Variants in VAPB observed in about 807,000 individuals in gnomAD.
VAPB encodes vesicle-associated membrane protein-associated protein B/C.
In VAPB, 7 loss-of-function variants were observed where a neutral mutation model predicts 25.6. The ratio of observed to expected loss-of-function variants is 0.27; its 90% CI spans 0.16 to 0.51. The LOEUF (loss-of-function observed/expected upper bound fraction) is 0.51. Ranked by LOEUF, VAPB falls within the 20% of genes least tolerant of loss-of-function variation. The pLI, the probability that VAPB is intolerant of heterozygous loss-of-function variation, is 0.97. For missense variants in VAPB, 266 were observed against 301.3 expected, an observed-to-expected ratio of 0.88 and a Z score of 0.87; for synonymous variants, 112 against 109.2, an observed-to-expected ratio of 1.03 and a Z score of -0.16.
chr20:58,409,297 G>A (rs764543074), intron 1 of VAPB, among the ~76,000 whole-genome samples: 1 of 152,152 alleles, frequency 6.6e-6, no homozygotes, highest in Admixed American at 6.5e-5. Context: ...GGTATAGAAC[G>A]CAGAAAGCAA....
chr20:58,446,486 A>G lies in VAPB; in HGVS notation c.*2251A>G, dbSNP rs1989296130. ...TGTGTTTTGATAAAACTTTATTCACAAAAACAGCCGGGTCATGGGATTTGG... is the reference window on the plus strand; with the variant it reads ...TGTGTTTTGATAAAACTTTATTCACGAAAACAGCCGGGTCATGGGATTTGG... On this transcript the variant is annotated 3_prime_UTR_variant, in exon 6 of 6. Coordinates refer to ENST00000475243, the MANE Select transcript of VAPB (RefSeq NM_004738.5). 1 of 453,970 alleles carries G rather than the reference A, an allele frequency of 2.2e-6. No individual in the cohort carries two copies. The allele number at this position is 453,970 out of a possible 1,614,324, so 28.1% of individuals were successfully genotyped here.
intron 1 of VAPB, among the ~76,000 whole-genome samples, chr20:58,413,400 A>ACCG (rs1319773837): frequency 6.6e-6 from 1 of 151,896 alleles, no homozygotes; most frequent in African/African-American, 2.4e-5. Context: ...CACATCTTGC[A>ACCG]CCGCCCTTAA....
chr20:58,439,440 C>G, intron 4 of VAPB: 1 of 242,366 alleles, frequency 4.1e-6, no homozygotes, highest in Non-Finnish European at 8.2e-6. Flanking sequence ...GCCTCCCTAC[C>G]CCTTTTACCC....
At position 58,447,728 on chromosome 20, in the gene VAPB, G is replaced by A. The variant is rs764048379; in HGVS notation, c.*3493G>A. Reference sequence around the variant, plus strand: ...TCAGTAGCTTGACAGTTTTCAAATCGTGCCTATATTTTTTTGCATACACAA... The same window carrying A: ...TCAGTAGCTTGACAGTTTTCAAATCATGCCTATATTTTTTTGCATACACAA... On this transcript the variant is annotated 3_prime_UTR_variant, in exon 6 of 6. Transcript: ENST00000475243. 24 of 453,646 alleles carry A rather than the reference G, an allele frequency of 5.3e-5. No individual in the cohort carries two copies. In the East Asian group the frequency reaches 1.1e-3, roughly 21 times the overall value. The allele number at this position is 453,646 out of a possible 1,614,324, so 28.1% of individuals were successfully genotyped here.
chr20:58,399,392 A>T (rs1242050128), intron 1 of VAPB, among the ~76,000 whole-genome samples: 8 of 152,066 alleles, frequency 5.3e-5, no homozygotes, highest in Non-Finnish European at 1.2e-4. Flanking sequence ...CATAAAGTGC[A>T]GTTGCTCTGG....
At chr20:58,412,972 C>G (rs922218948) in intron 1 of VAPB, among the ~76,000 whole-genome samples, 3 of 152,108 alleles carry the variant, frequency 2.0e-5, no homozygotes, top group African/African-American at 7.2e-5. Flanking sequence ...TTTTCAACAC[C>G]TGGAACCTGA....
chr20:58,450,843 G>C lies in VAPB; in HGVS notation c.*6608G>C. On this transcript the variant is annotated 3_prime_UTR_variant, in exon 6 of 6. Transcript: ENST00000475243. ...TGACATGGAAGTAATTTAAAAAGTT[G>C]GTGCAGGAAAGGACTCTTTACTGTT... The C allele has an allele frequency of 2.2e-6, 1 of 454,018 alleles. No individual in the cohort carries two copies. The allele number at this position is 454,018 out of a possible 1,614,324, so 28.1% of individuals were successfully genotyped here. A position where few individuals can be genotyped will look rare whatever the true frequency, so the allele number is the denominator to read the frequency against.
chr20:58,443,958 G>T (rs752125390), intron 5 of VAPB, 119 bp from the exon 6 acceptor site: 14 of 1,469,342 alleles, frequency 9.5e-6, no homozygotes, highest in Non-Finnish European at 1.3e-5. Context: ...GCAAAATGCG[G>T]TTGGACCATA....
chr20:58,450,354 G>C lies in VAPB; in HGVS notation c.*6119G>C, dbSNP rs1412535378. The C allele has an allele frequency of 2.5e-6, 1 of 402,464 alleles. No individual in the cohort carries two copies. The allele number at this position is 402,464 out of a possible 1,614,324, so 24.9% of individuals were successfully genotyped here. On this transcript the variant is annotated 3_prime_UTR_variant, in exon 6 of 6. Transcript: ENST00000475243. Reference sequence around the variant, plus strand: ...AGCAAACGTTTCGTAAGTACCCTCTGTCTGTTTGCTACTATATGAGGTGCT... The same window carrying C: ...AGCAAACGTTTCGTAAGTACCCTCTCTCTGTTTGCTACTATATGAGGTGCT...
In VAPB at chr20:58,445,673, A is replaced by G. The variant is rs1331546219; in HGVS notation, c.*1438A>G. 2.2e-6 allele frequency: 1 copy of G among 450,938 alleles called. No individual in the cohort carries two copies. Among genetic ancestry groups the G allele is most frequent in the South Asian group, 1.6e-5 (1 of 64,328 alleles). The allele number at this position is 450,938 out of a possible 1,614,324, so 27.9% of individuals were successfully genotyped here. ...CCTATCACTGAGAAATACGTGTTTC[A>G]TGATTTAACTCTGTGTGTGTGTGTG... On this transcript the variant is annotated 3_prime_UTR_variant, in exon 6 of 6. Transcript: ENST00000475243.
rs1989377901 is a variant in VAPB, at chr20:58,449,331, A to AT, written c.*5100dup. 1 of 449,940 alleles carries AT rather than the reference A, an allele frequency of 2.2e-6. No individual in the cohort carries two copies. Among genetic ancestry groups the AT allele is most frequent in the Admixed American group, 2.4e-5 (1 of 41,606 alleles). The allele number at this position is 449,940 out of a possible 1,614,324, so 27.9% of individuals were successfully genotyped here. A position where few individuals can be genotyped will look rare whatever the true frequency, so the allele number is the denominator to read the frequency against. ...GGCTTTTTATTTTCATTACAGAGAT[A>AT]TTTTGAAAAATTTAAAAGACATGAA... On this transcript the variant is annotated 3_prime_UTR_variant, in exon 6 of 6. Transcript: ENST00000475243.
In VAPB at chr20:58,449,279, G is replaced by A; in HGVS notation, c.*5044G>A. On this transcript the variant is annotated 3_prime_UTR_variant, in exon 6 of 6. Coordinates refer to ENST00000475243, the MANE Select transcript of VAPB (RefSeq NM_004738.5). ...GACCTCCCTCCATGCCATGTTTTTG[G>A]CTGTATCTACGGCACTTAACAATAG... is the stretch of plus-strand genomic sequence containing the variant. 2.2e-6 allele frequency: 1 copy of A among 453,868 alleles called. No individual in the cohort carries two copies. Among genetic ancestry groups the A allele is most frequent in the Non-Finnish European group, 4.4e-6 (1 of 226,718 alleles). 28.1% of individuals were successfully genotyped at this position (453,868 alleles called of 1,614,324 possible).
intron 5 of VAPB, among the ~76,000 whole-genome samples, chr20:58,442,570 A>C (rs890314926): frequency 3.3e-5 from 5 of 152,220 alleles, no homozygotes; most frequent in African/African-American, 1.2e-4. Context: ...TCTCAACATT[A>C]GAAGATTCTT....
At chr20:58,424,988 G>A (rs1988756265) in intron 2 of VAPB, among the ~76,000 whole-genome samples, 1 of 152,222 alleles carries the variant, frequency 6.6e-6, no homozygotes, top group Admixed American at 6.5e-5. Flanking sequence ...ACGTGTTCTG[G>A]ACCCTAAAGG....
In VAPB at chr20:58,439,014, A is replaced by T; in HGVS notation, c.385A>T (p.Asn129Tyr). The change falls in exon 4 of 6, where the codon AAT becomes TAT. Residue 129 changes from asparagine (N) to tyrosine (Y), a missense_variant. Around this residue, in one of 3 missense-constraint regions of VAPB, gnomAD observed 98 missense variants for 147.1 expected, o/e 0.67. Transcript: ENST00000475243. ...ATGTGTGTTTGAATTGCCAGCAGAG[A>T]ATGATAAACCAGTAAGTATATTTAT... ...LRCVFELPAE[N>Y]DKPHDVEINK... The T allele has an allele frequency of 1.2e-6, 2 of 1,613,600 alleles. No individual in the cohort carries two copies. Among genetic ancestry groups the T allele is most frequent in the Non-Finnish European group, 1.7e-6 (2 of 1,179,704 alleles).
chr20:58,446,841 C>T lies in VAPB; in HGVS notation c.*2606C>T. 1 of 454,070 alleles carries T rather than the reference C, an allele frequency of 2.2e-6. No homozygotes were observed. Among genetic ancestry groups the T allele is most frequent in the Non-Finnish European group, 4.4e-6 (1 of 226,772 alleles). 28.1% of individuals were successfully genotyped at this position (454,070 alleles called of 1,614,324 possible). ...TGCCAGGAAAAGAAAGAATGTGGAGCACGCGTGGCTCCTGGAGGACTTGGA... is the reference window on the plus strand; with the variant it reads ...TGCCAGGAAAAGAAAGAATGTGGAGTACGCGTGGCTCCTGGAGGACTTGGA... On this transcript the variant is annotated 3_prime_UTR_variant, in exon 6 of 6. Coordinates refer to ENST00000475243, the MANE Select transcript of VAPB (RefSeq NM_004738.5).
intron 4 of VAPB, chr20:58,439,455 T>G (rs1422211370): frequency 9.4e-6 from 2 of 213,110 alleles, no homozygotes; most frequent in Non-Finnish European, 1.9e-5. Flanking sequence ...TTACCCTATC[T>G]ACCTCTTCAA....
intron 1 of VAPB, among the ~76,000 whole-genome samples, chr20:58,391,799 C>T (rs866574520): frequency 2.0e-5 from 3 of 152,188 alleles, no homozygotes; most frequent in African/African-American, 4.8e-5. Flanking sequence ...TCTCAAAGTG[C>T]TGGGATTACA....
intron 3 of VAPB, among the ~76,000 whole-genome samples, chr20:58,435,654 T>A (rs1989027805): frequency 1.3e-5 from 2 of 152,216 alleles, no homozygotes; most frequent in African/African-American, 4.8e-5. Context: ...GCCTTTTGTT[T>A]AAGTTCTGGA....
Sources: allele counts gnomAD v4.1 joint callset (sites outside exome capture counted in the v4.1 genomes callset), GRCh38; gene constraint gnomAD v4.1.1; regional missense constraint gnomAD v4.1.1; transcripts MANE v1.5; gene names NCBI Gene and HGNC (gene_info 2026-07-23, HGNC 2026-07-21).